CAMKMT: variants seen among roughly 807,000 people sequenced by gnomAD.
The protein encoded by CAMKMT is CaM KMT.
Under a neutral mutation model 48.0 loss-of-function variants are expected in CAMKMT, and 53 were observed. That is an observed-to-expected ratio of 1.10 (90% CI 0.89 to 1.39). CAMKMT has a LOEUF of 1.39. CAMKMT is among the 40% of genes most tolerant of loss of function. CAMKMT has a pLI of 0.00. For synonymous variants in CAMKMT, 165 were observed against 152.3 expected, an observed-to-expected ratio of 1.08 and a Z score of -0.61; for missense variants, 428 against 402.7, an observed-to-expected ratio of 1.06 and a Z score of -0.54.
intron 3 of CAMKMT, among the ~76,000 whole-genome samples, chr2:44,675,859 A>G (rs895152048): frequency 3.9e-5 from 6 of 152,056 alleles, no homozygotes; most frequent in Non-Finnish European, 8.8e-5. Flanking sequence ...GGCAACCATC[A>G]TTCTACTTTC....
chr2:44,662,985 A>G (rs1469960479), intron 3 of CAMKMT, among the ~76,000 whole-genome samples: 1 of 152,252 alleles, frequency 6.6e-6, no homozygotes, highest in Non-Finnish European at 1.5e-5. Context: ...AGATACACAT[A>G]TAAATAATTA....
chr2:44,734,721 A>AT (rs1233108166), intron 7 of CAMKMT, among the ~76,000 whole-genome samples: 1 of 152,112 alleles, frequency 6.6e-6, no homozygotes, highest in Non-Finnish European at 1.5e-5. Flanking sequence ...CAGGGAACAT[A>AT]TTTTTTGTAT....
intron 2 of CAMKMT, among the ~76,000 whole-genome samples, 174 bp from the exon 3 acceptor site, chr2:44,390,067 C>T (rs1681174924): frequency 6.6e-6 from 1 of 152,118 alleles, no homozygotes; most frequent in Non-Finnish European, 1.5e-5. Context: ...GAGGACCATA[C>T]TGTTATTTCT....
At chr2:44,607,977 T>A (rs916997210) in intron 3 of CAMKMT, among the ~76,000 whole-genome samples, 3 of 151,926 alleles carry the variant, frequency 2.0e-5, no homozygotes, top group Non-Finnish European at 2.9e-5. Context: ...CTCCCACCAC[T>A]AGATTATGTA....
intron 7 of CAMKMT, chr2:44,723,923 A>C (rs1678631080): frequency 6.6e-6 from 1 of 152,208 alleles, no homozygotes; most frequent in Admixed American, 6.5e-5. Flanking sequence ...AAATCAATGA[A>C]GTTGATCAGA....
At chr2:44,567,894 C>T (rs1245810450) in intron 3 of CAMKMT, among the ~76,000 whole-genome samples, 1 of 152,130 alleles carries the variant, frequency 6.6e-6, no homozygotes, top group African/African-American at 2.4e-5. Context: ...AGTTATTTAT[C>T]GAGTGCTTAC....
Position 44,653,360 on chromosome 2 carries a change from T to G in CAMKMT, c.377-50923T>G, listed in dbSNP as rs985228914. ...AGAAAGTCACAACACAGAGGAGAAG[T>G]AAGCTGAAGTGCCATTTGCTGTAAA... On this transcript the variant is annotated intron_variant, in intron 3 of 10. Coordinates refer to ENST00000378494, the MANE Select transcript of CAMKMT (RefSeq NM_024766.5). This position sits in a 1 kb window ranked among gnomAD's most constrained non-coding sequence, Gnocchi z 5.2. Among the ~76,000 whole-genome samples, 1 of 152,196 alleles carries G rather than the reference T, an allele frequency of 6.6e-6. No individual in the cohort carries two copies. Among genetic ancestry groups the G allele is most frequent in the African/African-American group, 2.4e-5 (1 of 41,446 alleles).
chr2:44,588,280 G>A (rs1246164325), intron 3 of CAMKMT, among the ~76,000 whole-genome samples: 5 of 60,718 alleles, frequency 8.2e-5, no homozygotes, highest in Admixed American at 2.0e-4. Context: ...GTCTCCGCCC[G>A]GCAGCCACCC....
At position 44,460,953 on chromosome 2, in the gene CAMKMT, C is replaced by A. The variant is rs145998795; in HGVS notation, c.376+70648C>A. 3.0e-3 allele frequency among the ~76,000 whole-genome samples: 453 copies of A among 152,070 alleles called. 7 individuals are homozygous for A. Among genetic ancestry groups the A allele is most frequent in the East Asian group, 5.6e-3 (29 of 5,150 alleles). On this transcript the variant is annotated intron_variant, in intron 3 of 10. Transcript: ENST00000378494. ...GGCCAGGCTGGTCTCGAACTCCTGG[C>A]CTCAAAGTGATCCACCCGCCTCAGC... is the stretch of plus-strand genomic sequence containing the variant.
At position 44,595,337 on chromosome 2, in the gene CAMKMT, C is replaced by T. The variant is rs962819653; in HGVS notation, c.377-108946C>T. 4.6e-5 allele frequency among the ~76,000 whole-genome samples: 7 copies of T among 152,070 alleles called. 1 individual carries two copies. The highest frequency in any genetic ancestry group is 8.8e-5 in the Non-Finnish European group (6 of 68,014). On this transcript the variant is annotated intron_variant, in intron 3 of 10. Transcript: ENST00000378494. The stretch of plus-strand genomic sequence containing the variant: ...AAAGGATTATAAATGAACTCCCGAC[C>T]GCAGGTGATCTGCCCGCCTCAGCGT...
At chr2:44,418,232 A>C (rs1274104707) in intron 3 of CAMKMT, among the ~76,000 whole-genome samples, 1 of 150,094 alleles carries the variant, frequency 6.7e-6, no homozygotes, top group Admixed American at 6.6e-5. Flanking sequence ...CTTATTATAT[A>C]CTCTGAAGAC....
At chr2:44,637,237 G>A (rs1052044662) in intron 3 of CAMKMT, among the ~76,000 whole-genome samples, 1 of 152,170 alleles carries the variant, frequency 6.6e-6, no homozygotes, top group African/African-American at 2.4e-5. Context: ...AGTCATTTCA[G>A]TAGTAATGCT....
chr2:44,470,544 C>G (rs1184452927), intron 3 of CAMKMT, among the ~76,000 whole-genome samples: 3 of 152,066 alleles, frequency 2.0e-5, no homozygotes, highest in Non-Finnish European at 4.4e-5. Context: ...CATGGAGATA[C>G]CTTGTTATAG....
At chr2:44,761,742 G>A (rs1573248034) in intron 9 of CAMKMT, among the ~76,000 whole-genome samples, 4 of 152,202 alleles carry the variant, frequency 2.6e-5, no homozygotes, top group South Asian at 4.1e-4. Flanking sequence ...TGACAGATAC[G>A]GAAGTGCTTG....
intron 3 of CAMKMT, among the ~76,000 whole-genome samples, chr2:44,477,442 C>T (rs1310950852): frequency 6.6e-6 from 1 of 152,132 alleles, no homozygotes; most frequent in East Asian, 1.9e-4. Flanking sequence ...AACCATATTT[C>T]CCCACCCTGG....
chr2:44,475,499 G>T (rs934717141), intron 3 of CAMKMT, among the ~76,000 whole-genome samples: 14 of 152,018 alleles, frequency 9.2e-5, no homozygotes, highest in Admixed American at 2.6e-4. Flanking sequence ...TGTTGTTTTA[G>T]TAGAGATGGG....
At position 44,618,060 on chromosome 2, in the gene CAMKMT, AGTT is replaced by A; in HGVS notation, c.377-86222_377-86220del. Among the ~76,000 whole-genome samples, 2 of 152,220 alleles carry A rather than the reference AGTT, an allele frequency of 1.3e-5. No individual in the cohort carries two copies. The highest frequency in any genetic ancestry group is 2.9e-5 in the Non-Finnish European group (2 of 68,050). On this transcript the variant is annotated intron_variant, in intron 3 of 10. Transcript: ENST00000378494. This position sits in a 1 kb window ranked among gnomAD's most constrained non-coding sequence, Gnocchi z 4.0. ...CTGTTTCTTTGTATACACTTCTAGT[AGTT>A]AAACTGATTTTAATGGATGAATTTT...
chr2:44,631,348 G>T, intron 3 of CAMKMT: 1 of 332,012 alleles, frequency 3.0e-6, no homozygotes, highest in Non-Finnish European at 5.3e-6. Flanking sequence ...GTATACATAT[G>T]TAACTAACCT....
intron 3 of CAMKMT, among the ~76,000 whole-genome samples, chr2:44,522,499 C>T (rs1227009791): frequency 1.3e-5 from 2 of 152,278 alleles, no homozygotes; most frequent in African/African-American, 2.4e-5. Context: ...CTTAGAACCC[C>T]TATTGTTATC....
Sources: allele counts gnomAD v4.1 joint callset (sites outside exome capture counted in the v4.1 genomes callset), GRCh38; gene constraint gnomAD v4.1.1; non-coding constraint Gnocchi (gnomAD v3.1); transcripts MANE v1.5; gene names NCBI Gene and HGNC (gene_info 2026-07-23, HGNC 2026-07-21).